Variants in NRXN1 observed in about 807,000 individuals in gnomAD.
NRXN1 encodes neurexin 1.
NRXN1 carries 39 observed loss-of-function variants against 150.9 expected under a neutral mutation model. The ratio of observed to expected loss-of-function variants is 0.26; its 90% CI spans 0.20 to 0.34. The LOEUF (loss-of-function observed/expected upper bound fraction) is 0.34, where lower values mean the gene tolerates loss of function less well. Among genes scored for constraint, NRXN1 ranks in the 10% least tolerant of loss-of-function variants. NRXN1 has a pLI of 1.00. For synonymous variants in NRXN1, 924 were observed against 757.0 expected (o/e 1.22, Z -3.62); for missense variants, 1,815 against 1,949.9 (o/e 0.93, Z 1.30).
At chr2:50,907,308 C>A (rs1683854272) in intron 5 of NRXN1, among the ~76,000 whole-genome samples, 1 of 151,950 alleles carries the variant, frequency 6.6e-6, no homozygotes, top group Non-Finnish European at 1.5e-5. Flanking sequence ...CACTGAAACT[C>A]AGTATAAAAA....
chr2:50,590,198 C>T (rs1036323499), intron 8 of NRXN1, among the ~76,000 whole-genome samples: 4 of 152,148 alleles, frequency 2.6e-5, no homozygotes, highest in Admixed American at 2.0e-4. Flanking sequence ...TTTTAAATCA[C>T]AGCCCTCAAA....
chr2:50,578,849 T>A (rs1024989513), intron 8 of NRXN1, among the ~76,000 whole-genome samples: 1 of 152,084 alleles, frequency 6.6e-6, no homozygotes, highest in Admixed American at 6.6e-5. Flanking sequence ...ATTATTTTGA[T>A]TGGGGTCACT....
intron 5 of NRXN1, among the ~76,000 whole-genome samples, chr2:50,738,620 T>C (rs1219737565): frequency 3.9e-5 from 6 of 152,200 alleles, no homozygotes; most frequent in Non-Finnish European, 8.8e-5. Context: ...GCAGCTTTTC[T>C]GAAATCTCCC....
chr2:50,588,308 G>T (rs2103760769), intron 8 of NRXN1, among the ~76,000 whole-genome samples: 1 of 152,204 alleles, frequency 6.6e-6, no homozygotes, highest in East Asian at 1.9e-4. Context: ...TGAGCCTTAT[G>T]AACAGGAAAT....
chr2:50,465,093 A>T (rs538548152), intron 17 of NRXN1, among the ~76,000 whole-genome samples: 1 of 152,004 alleles, frequency 6.6e-6, no homozygotes, highest in South Asian at 2.1e-4. Context: ...ACATAATCAT[A>T]TGAAATTAAG....
At chr2:50,331,535 A>T (rs1343606444) in intron 17 of NRXN1, among the ~76,000 whole-genome samples, 2 of 152,298 alleles carry the variant, frequency 1.3e-5, no homozygotes, top group South Asian at 4.1e-4. Flanking sequence ...TTTAAAGGGA[A>T]TCTTCTTGCA....
chr2:50,689,834 G>C (rs1331592352), intron 5 of NRXN1, among the ~76,000 whole-genome samples: 1 of 150,226 alleles, frequency 6.7e-6, no homozygotes, highest in Non-Finnish European at 1.5e-5. Flanking sequence ...CTTCCCATCA[G>C]CTTGTTTTTT....
At chr2:50,323,297 A>C (rs78902934) in intron 17 of NRXN1, among the ~76,000 whole-genome samples, 21,468 of 152,102 alleles carry the variant, frequency 0.14, 1,731 homozygotes, top group African/African-American at 0.21. Context: ...GGGTGGAACA[A>C]AATAATTTGC....
intron 5 of NRXN1, among the ~76,000 whole-genome samples, chr2:50,900,706 G>T (rs1430703556): frequency 6.6e-6 from 1 of 152,088 alleles, no homozygotes; most frequent in Non-Finnish European, 1.5e-5. Context: ...GGTAATAAGG[G>T]AACATTTGCA....
At chr2:50,601,836 C>G (rs1676329751) in intron 8 of NRXN1, among the ~76,000 whole-genome samples, 1 of 152,166 alleles carries the variant, frequency 6.6e-6, no homozygotes, top group South Asian at 2.1e-4. Context: ...TCTGCTCCTT[C>G]CTTGTTCTAA....
intron 17 of NRXN1, among the ~76,000 whole-genome samples, chr2:50,260,101 T>C (rs1672149824): frequency 6.6e-6 from 1 of 151,886 alleles, no homozygotes; most frequent in Admixed American, 6.6e-5. Flanking sequence ...TTTTAAAGCA[T>C]TTCCCTAACA....
At chr2:50,913,027 C>G (rs1204082054) in intron 5 of NRXN1, 3 of 151,742 alleles carry the variant, frequency 2.0e-5, no homozygotes, top group South Asian at 2.1e-4. Flanking sequence ...CTGAAAGTAC[C>G]GATGGGTCAG....
chr2:50,909,857 A>T (rs1265033667), intron 5 of NRXN1, among the ~76,000 whole-genome samples: 1 of 151,930 alleles, frequency 6.6e-6, no homozygotes. Flanking sequence ...GCTTTATCTG[A>T]TTTATGCTAA....
At chr2:50,503,617 T>C (rs765279861) in intron 13 of NRXN1, among the ~76,000 whole-genome samples, 1 of 152,124 alleles carries the variant, frequency 6.6e-6, no homozygotes, top group African/African-American at 2.4e-5. Flanking sequence ...AGCCCTTGCT[T>C]ACAGCAGAAT....
intron 5 of NRXN1, among the ~76,000 whole-genome samples, chr2:50,747,117 C>A (rs539710101): frequency 2.0e-5 from 3 of 151,914 alleles, no homozygotes. Flanking sequence ...AGATAGAGAC[C>A]GGCATTAGAG....
chr2:50,625,147 T>G (rs902516650), intron 5 of NRXN1, among the ~76,000 whole-genome samples: 6 of 152,022 alleles, frequency 3.9e-5, no homozygotes, highest in African/African-American at 1.4e-4. Context: ...TAATAGGTTT[T>G]TAATCTCAGG....
At chr2:50,781,892 G>A (rs1410905589) in intron 5 of NRXN1, among the ~76,000 whole-genome samples, 2 of 152,122 alleles carry the variant, frequency 1.3e-5, no homozygotes, top group Admixed American at 1.3e-4. Context: ...GATACTGATG[G>A]CTATTAACTC....
chr2:50,049,705 G>C (rs1692398114), intron 21 of NRXN1, among the ~76,000 whole-genome samples: 1 of 152,146 alleles, frequency 6.6e-6, no homozygotes, highest in Non-Finnish European at 1.5e-5. Context: ...GGCAAAGGAA[G>C]GAAGTGTTGT....
At chr2:50,597,553 C>T (rs535364396) in intron 8 of NRXN1, among the ~76,000 whole-genome samples, 2 of 152,122 alleles carry the variant, frequency 1.3e-5, no homozygotes, top group Non-Finnish European at 2.9e-5. Flanking sequence ...GGTTTTCTCC[C>T]ACGTCTCCTC....
Sources: allele counts gnomAD v4.1 joint callset (sites outside exome capture counted in the v4.1 genomes callset), GRCh38; gene constraint gnomAD v4.1.1; transcripts MANE v1.5; gene names NCBI Gene and HGNC (gene_info 2026-07-23, HGNC 2026-07-21).